Variants in TBXAS1 observed in about 807,000 individuals in gnomAD.
TBXAS1 encodes the protein thromboxane-A synthase.
A neutral mutation model predicts 60.7 loss-of-function variants in TBXAS1; 48 were observed. That is an observed-to-expected ratio of 0.79 (90% CI 0.63 to 1.01). The LOEUF is 1.01. TBXAS1 is among the 50% of genes least tolerant of loss of function. The pLI, the probability that TBXAS1 is intolerant of heterozygous loss-of-function variation, is 0.00. For synonymous variants in TBXAS1, 287 were observed against 269.7 expected (o/e 1.06, Z -0.63); for missense variants, 685 against 686.3 (o/e 1.00, Z 0.02).
intron 4 of TBXAS1, among the ~76,000 whole-genome samples, chr7:139,932,789 G>A (rs1807436173): frequency 6.6e-6 from 1 of 152,158 alleles, no homozygotes; most frequent in Non-Finnish European, 1.5e-5. Context: ...AGGCACAGTG[G>A]CTCATGCCTG....
At position 139,951,828 on chromosome 7, in the gene TBXAS1, GAGGAAAGAAAGAAAGAAGGAAGGAAGGA is replaced by G. The variant is rs1809320590; in HGVS notation, c.451-1530_451-1503del. Among the ~76,000 whole-genome samples, 5 of 21,482 alleles carry G rather than the reference GAGGAAAGAAAGAAAGAAGGAAGGAAGGA, an allele frequency of 2.3e-4. 1 individual carries two copies. In the South Asian group the frequency reaches 3.8e-3, roughly 16 times the overall value. The allele number at this position is 21,482 out of a possible 152,430, so 14.1% of individuals were successfully genotyped here. On this transcript the variant is annotated intron_variant, in intron 5 of 12. Coordinates refer to ENST00000448866, the MANE Select transcript of TBXAS1 (RefSeq NM_001061.7). ...AAGAAACAAAGAAGAAGGAAAGAAA[GAGGAAAGAAAGAAAGAAGGAAGGAAGGA>G]AGGAAAGAAGGAAGGAAGGAAGGAA...
At chr7:139,983,581 G>C (rs1040530750) in intron 9 of TBXAS1, among the ~76,000 whole-genome samples, 38 of 152,222 alleles carry the variant, frequency 2.5e-4, no homozygotes, top group African/African-American at 9.1e-4. Flanking sequence ...CGGGAAGAAA[G>C]ACACCAACCC....
At chr7:139,778,256 G>A (rs1796841465), upstream of TBXAS1, 1 of 152,028 alleles carries the variant, frequency 6.6e-6, no homozygotes, top group Non-Finnish European at 1.5e-5. This position sits in a 1 kb window ranked among gnomAD's most constrained non-coding sequence, Gnocchi z 4.8. Context: ...GAGAGGGCCG[G>A]CCTGGACCCG....
At chr7:139,933,829 G>T (rs1807526104) in intron 4 of TBXAS1, among the ~76,000 whole-genome samples, 1 of 138,552 alleles carries the variant, frequency 7.2e-6, no homozygotes. Context: ...GAGACTGCTT[G>T]GTCCCCCAAC....
chr7:139,902,033 A>T (rs1804618209), intron 3 of TBXAS1, among the ~76,000 whole-genome samples: 1 of 151,136 alleles, frequency 6.6e-6, no homozygotes, highest in African/African-American at 2.4e-5. Flanking sequence ...CCCAATGGTA[A>T]CCTCTTGCGT....
intron 4 of TBXAS1, among the ~76,000 whole-genome samples, chr7:139,935,708 C>T (rs187146828): frequency 6.6e-6 from 1 of 152,212 alleles, no homozygotes; most frequent in East Asian, 1.9e-4. Context: ...TTCCCCCTTC[C>T]CTCTCCCTCC....
intron 4 of TBXAS1, among the ~76,000 whole-genome samples, chr7:139,816,295 A>C (rs2116422762): frequency 6.6e-6 from 1 of 152,266 alleles, no homozygotes; most frequent in Middle Eastern, 3.4e-3. Context: ...AAATCGGCTA[A>C]TACAGATGGG....
intron 8 of TBXAS1, among the ~76,000 whole-genome samples, 168 bp from the exon 9 acceptor site, chr7:139,961,751 G>A (rs1210059319): frequency 1.3e-5 from 2 of 152,202 alleles, no homozygotes; most frequent in Admixed American, 6.5e-5. Flanking sequence ...GGACATTCAG[G>A]TGGCTTCCAG....
At chr7:139,883,841 C>T (rs1230717672) in intron 3 of TBXAS1, among the ~76,000 whole-genome samples, 2 of 152,178 alleles carry the variant, frequency 1.3e-5, no homozygotes, top group Admixed American at 1.3e-4. Context: ...ACCTTATTCA[C>T]AGTATAAGAA....
chr7:139,780,361 C>T (rs1796944143), intron 1 of TBXAS1, among the ~76,000 whole-genome samples: 1 of 152,204 alleles, frequency 6.6e-6, no homozygotes, highest in Non-Finnish European at 1.5e-5. Flanking sequence ...ATTTTAATAA[C>T]CATGGGTGGT....
intron 9 of TBXAS1, among the ~76,000 whole-genome samples, chr7:139,981,658 G>A (rs1189804503): frequency 2.0e-5 from 3 of 152,184 alleles, no homozygotes; most frequent in Non-Finnish European, 2.9e-5. Flanking sequence ...CTGTTATTTC[G>A]GTACCAAGCT....
intron 9 of TBXAS1, among the ~76,000 whole-genome samples, chr7:139,974,989 T>C (rs941393161): frequency 1.3e-5 from 2 of 152,190 alleles, no homozygotes; most frequent in African/African-American, 4.8e-5. Context: ...TTTCAGGAAT[T>C]GGCTCATGTA....
intron 4 of TBXAS1, among the ~76,000 whole-genome samples, chr7:139,922,003 C>T (rs1806512340): frequency 6.6e-6 from 1 of 152,108 alleles, no homozygotes; most frequent in Admixed American, 6.5e-5. Context: ...TTATTTTTCA[C>T]TGTAACTATT....
At chr7:139,784,922 G>C (rs2117229340) in intron 3 of TBXAS1, among the ~76,000 whole-genome samples, 1 of 152,140 alleles carries the variant, frequency 6.6e-6, no homozygotes, top group East Asian at 1.9e-4. Flanking sequence ...ATCACACAGG[G>C]AGAGGTTACA....
At position 139,829,285 on chromosome 7, in the gene TBXAS1, G is replaced by A. The variant is rs1180964732; in HGVS notation, c.-106G>A. On this transcript the variant is annotated 5_prime_UTR_variant, in exon 1 of 13. The change creates a premature stop within an existing upstream ORF in the 5' untranslated region. Coordinates refer to ENST00000448866, the MANE Select transcript of TBXAS1 (RefSeq NM_001061.7). ...GCCCACTCCATGTGATGTTTGCTTG[G>A]TTGCCTGTTCCCTTTTCTACCTGCA... The A allele has an allele frequency of 4.0e-6, 4 of 997,354 alleles. No individual in the cohort carries two copies. Among genetic ancestry groups the A allele is most frequent in the Middle Eastern group, 2.1e-4 (1 of 4,698 alleles). 61.8% of individuals were successfully genotyped at this position (997,354 alleles called of 1,614,324 possible).
At chr7:139,856,498 G>A (rs1243414337) in intron 1 of TBXAS1, among the ~76,000 whole-genome samples, 3 of 152,162 alleles carry the variant, frequency 2.0e-5, no homozygotes, top group Admixed American at 6.5e-5. Context: ...CGGCCTTCGG[G>A]TGGCCATTCC....
At chr7:139,914,665 C>T (rs1376299355) in intron 4 of TBXAS1, among the ~76,000 whole-genome samples, 3 of 152,180 alleles carry the variant, frequency 2.0e-5, no homozygotes, top group Non-Finnish European at 4.4e-5. Flanking sequence ...ACTGCCTCCT[C>T]CAGGAAGCCT....
intron 9 of TBXAS1, among the ~76,000 whole-genome samples, chr7:139,978,829 C>T (rs1811757510): frequency 6.6e-6 from 1 of 150,862 alleles, no homozygotes; most frequent in Admixed American, 6.6e-5. Context: ...GTGGTGCGTG[C>T]TCGTACTCCC....
intron 1 of TBXAS1, among the ~76,000 whole-genome samples, chr7:139,840,947 T>C (rs76720818): frequency 3.9e-5 from 6 of 152,296 alleles, no homozygotes; most frequent in Non-Finnish European, 7.4e-5. Context: ...CTTCCCGATC[T>C]GGACTCCGTG....
Sources: allele counts gnomAD v4.1 joint callset (sites outside exome capture counted in the v4.1 genomes callset), GRCh38; gene constraint gnomAD v4.1.1; non-coding constraint Gnocchi (gnomAD v3.1); transcripts MANE v1.5; gene names NCBI Gene and HGNC (gene_info 2026-07-23, HGNC 2026-07-21).